The following PPP2R2A variants were observed in gnomAD, a reference collection of about 807,000 sequenced individuals.
PPP2R2A encodes the protein serine/threonine-protein phosphatase 2A 55 kDa regulatory subunit B alpha isoform.
A neutral mutation model predicts 53.2 loss-of-function variants in PPP2R2A; 9 were observed. The observed-to-expected ratio is 0.17, with a 90% CI of 0.10 to 0.30. The LOEUF (loss-of-function observed/expected upper bound fraction) is 0.30, where lower values mean the gene tolerates loss of function less well. PPP2R2A is among the 10% of genes least tolerant of loss of function. PPP2R2A has a pLI of 1.00. For synonymous variants in PPP2R2A, 169 were observed against 174.2 expected (o/e 0.97, Z 0.23); for missense variants, 235 against 534.6 (o/e 0.44, Z 5.53).
rs1801458423 is a variant in PPP2R2A at position 26,294,533 on chromosome 8, T to TG, written c.82+794dup. On this transcript the variant is annotated intron_variant, in intron 2 of 9. Transcript: ENST00000380737. ...GCATTGTTTCATTCCTGAGAAATGT[T>TG]GAAGTTTGAGTTTTAATGGTATTGT... is the stretch of plus-strand genomic sequence containing the variant. Among the ~76,000 whole-genome samples the TG allele has an allele frequency of 3.3e-5, 5 of 152,334 alleles. No homozygotes were observed. The South Asian group carries it at 1.0e-3, about 32-fold the overall frequency.
At chr8:26,339,724 T>C (rs976012637) in intron 3 of PPP2R2A, among the ~76,000 whole-genome samples, 2 of 152,122 alleles carry the variant, frequency 1.3e-5, no homozygotes, top group African/African-American at 4.8e-5. Flanking sequence ...ATCAGTTGTT[T>C]TGGAACATTC....
intron 4 of PPP2R2A, among the ~76,000 whole-genome samples, chr8:26,359,315 G>A (rs562457174): frequency 1.1e-4 from 16 of 152,314 alleles, no homozygotes; most frequent in Non-Finnish European, 4.4e-5. Flanking sequence ...AGGAATGTTA[G>A]TGGAAAACCT....
Position 26,363,871 on chromosome 8 carries a change from G to A in PPP2R2A, c.953G>A (p.Arg318Lys), listed in dbSNP as rs749184854. ...VKIWDLNMENRPVETYQVHEY... is the reference protein window; with the variant it reads ...VKIWDLNMENKPVETYQVHEY... Reference sequence around the variant, plus strand: ...ATTTGGGACTTAAATATGGAAAACAGGCCTGTGGAAACATACCAGGTATTT... The same window carrying A: ...ATTTGGGACTTAAATATGGAAAACAAGCCTGTGGAAACATACCAGGTATTT... Residue 318 changes from arginine to lysine, a missense_variant, in exon 8 of 10, where the codon AGG (arginine) becomes AAG (lysine). Coordinates refer to ENST00000380737, the MANE Select transcript of PPP2R2A (RefSeq NM_002717.4). The A allele has an allele frequency of 6.3e-7, 1 of 1,595,960 alleles. No individual in the cohort carries two copies. Among genetic ancestry groups the A allele is most frequent in the Admixed American group, 1.7e-5 (1 of 59,174 alleles).
At chr8:26,364,660 C>T (rs1273700083) in intron 8 of PPP2R2A, among the ~76,000 whole-genome samples, 2 of 152,126 alleles carry the variant, frequency 1.3e-5, no homozygotes, top group East Asian at 1.9e-4. Context: ...CAAACATAAA[C>T]GAAGATTGTT....
intron 2 of PPP2R2A, chr8:26,298,672 T>C (rs1232774253): frequency 6.6e-6 from 1 of 152,216 alleles, no homozygotes; most frequent in African/African-American, 2.4e-5. Flanking sequence ...GTAATCAATC[T>C]GGAACATTAC....
chr8:26,339,729 A>C (rs1206019697), intron 3 of PPP2R2A, among the ~76,000 whole-genome samples: 1 of 152,088 alleles, frequency 6.6e-6, no homozygotes, highest in African/African-American at 2.4e-5. Flanking sequence ...TTGTTTTGGA[A>C]CATTCTGCCC....
chr8:26,355,522 G>A (rs1422870829), intron 4 of PPP2R2A, among the ~76,000 whole-genome samples: 4 of 152,146 alleles, frequency 2.6e-5, no homozygotes, highest in Non-Finnish European at 4.4e-5. Context: ...GGGATTACAC[G>A]TGTGAGCCAC....
intron 2 of PPP2R2A, among the ~76,000 whole-genome samples, chr8:26,323,771 T>G (rs1338053574): frequency 6.6e-6 from 1 of 152,110 alleles, no homozygotes; most frequent in Non-Finnish European, 1.5e-5. Context: ...CTGGAAGCCC[T>G]CCAAACTCCG....
chr8:26,339,125 G>GACATTGTATATGTCTATATAT (rs1451483582), intron 3 of PPP2R2A, 138 bp downstream of exon 3: 6 of 614,436 alleles, frequency 9.8e-6, no homozygotes, highest in African/African-American at 9.3e-5. Context: ...CCAATATATA[G>GACATTGTATATGTCTATATAT]ACAGCTCTGG....
intron 2 of PPP2R2A, among the ~76,000 whole-genome samples, chr8:26,300,663 G>T (rs1801739542): frequency 6.6e-6 from 1 of 152,150 alleles, no homozygotes; most frequent in African/African-American, 2.4e-5. Context: ...AGACCAGCCT[G>T]GCCAATATGG....
chr8:26,309,607 A>G (rs1334428708), intron 2 of PPP2R2A, among the ~76,000 whole-genome samples: 1 of 152,202 alleles, frequency 6.6e-6, no homozygotes, highest in Admixed American at 6.5e-5. Context: ...GGCTGTTAAT[A>G]CAGAGCTGTT....
In PPP2R2A at chr8:26,354,004, A is replaced by G. The variant is rs991776010; in HGVS notation, c.181-464A>G. Among the ~76,000 whole-genome samples, 1 of 152,188 alleles carries G rather than the reference A, an allele frequency of 6.6e-6. No homozygotes were observed. Among genetic ancestry groups the G allele is most frequent in the African/African-American group, 2.4e-5 (1 of 41,434 alleles). ...AACCAAAAGGCGGGCAGCAGAAAGG[A>G]AAAGGACAATACATCATATTAAATA... On this transcript the variant is annotated intron_variant, in intron 3 of 9. Transcript: ENST00000380737. The surrounding 1 kb of genome is among the most constrained non-coding windows in gnomAD (Gnocchi z 4.6).
At chr8:26,352,602 A>T (rs998340943) in intron 3 of PPP2R2A, among the ~76,000 whole-genome samples, 6 of 152,136 alleles carry the variant, frequency 3.9e-5, no homozygotes, top group Admixed American at 3.9e-4. Flanking sequence ...TCCTTTTGTG[A>T]TACATTAATT....
At chr8:26,306,128 G>A (rs537662933) in intron 2 of PPP2R2A, among the ~76,000 whole-genome samples, 2 of 151,760 alleles carry the variant, frequency 1.3e-5, no homozygotes, top group South Asian at 4.2e-4. Flanking sequence ...AGCCGAGATC[G>A]TGTCACTGCC....
At chr8:26,340,650 T>C (rs1363710783) in intron 3 of PPP2R2A, among the ~76,000 whole-genome samples, 1 of 152,114 alleles carries the variant, frequency 6.6e-6, no homozygotes, top group African/African-American at 2.4e-5. Flanking sequence ...TGCCTGAGAA[T>C]GAAGTCATTT....
At chr8:26,309,562 A>G (rs1480969425) in intron 2 of PPP2R2A, among the ~76,000 whole-genome samples, 1 of 152,222 alleles carries the variant, frequency 6.6e-6, no homozygotes, top group Non-Finnish European at 1.5e-5. Context: ...CTTTCCAGCT[A>G]TGAGAGTCCT....
intron 2 of PPP2R2A, among the ~76,000 whole-genome samples, chr8:26,325,231 A>G (rs1039865396): frequency 6.6e-6 from 1 of 151,308 alleles, no homozygotes; most frequent in African/African-American, 2.4e-5. Context: ...TTGTGGGTGG[A>G]CCCATGGGGG....
At chr8:26,319,554 A>T (rs1335131960) in intron 2 of PPP2R2A, among the ~76,000 whole-genome samples, 1 of 150,712 alleles carries the variant, frequency 6.6e-6, no homozygotes, top group Non-Finnish European at 1.5e-5. Context: ...GCAAGGGTCC[A>T]TTTTTTTTTC....
Position 26,354,767 on chromosome 8 carries a change from C to T in PPP2R2A, c.346+134C>T. 2.3e-6 allele frequency: 2 copies of T among 859,634 alleles called. No homozygotes were observed. Among genetic ancestry groups the T allele is most frequent in the Non-Finnish European group, 3.1e-6 (2 of 637,208 alleles). The allele number at this position is 859,634 out of a possible 1,614,324, so 53.3% of individuals were successfully genotyped here. The stretch of plus-strand genomic sequence containing the variant: ...TGTTTTTCTATACAGAATGTAAACT[C>T]TACTTTTTTACTGTCACTTGCAGTT... On this transcript the variant is annotated intron_variant, in intron 4 of 9. Coordinates refer to ENST00000380737, the MANE Select transcript of PPP2R2A (RefSeq NM_002717.4). This position sits in a 1 kb window ranked among gnomAD's most constrained non-coding sequence, Gnocchi z 4.6.
Sources: allele counts gnomAD v4.1 joint callset (sites outside exome capture counted in the v4.1 genomes callset), GRCh38; gene constraint gnomAD v4.1.1; non-coding constraint Gnocchi (gnomAD v3.1); transcripts MANE v1.5; gene names NCBI Gene and HGNC (gene_info 2026-07-23, HGNC 2026-07-21).